Variants in SHROOM3 observed in about 807,000 individuals in gnomAD.
SHROOM3 encodes protein Shroom3.
A neutral mutation model predicts 138.6 loss-of-function variants in SHROOM3; 47 were observed. That is an observed-to-expected ratio of 0.34 (90% CI 0.27 to 0.43). The LOEUF (loss-of-function observed/expected upper bound fraction) is 0.43, where lower values mean the gene tolerates loss of function less well. Ranked by LOEUF, SHROOM3 falls within the 20% of genes least tolerant of loss-of-function variation. The probability of loss-of-function intolerance (pLI) is 1.00; values close to 1 mark genes in which losing one functional copy is unlikely to be tolerated. For missense variants in SHROOM3, 2,491 were observed against 2,596.5 expected (o/e 0.96, Z 0.88); for synonymous variants, 1,062 against 1,063.3 (o/e 1.00, Z 0.02).
At chr4:76,489,098 G>A (rs938230782) in intron 1 of SHROOM3, among the ~76,000 whole-genome samples, 1 of 152,206 alleles carries the variant, frequency 6.6e-6, no homozygotes, top group Non-Finnish European at 1.5e-5. Context: ...TTGCCAAAAT[G>A]AACTGGTGAA....
Position 76,739,702 on chromosome 4 carries a change from A to G in SHROOM3, c.1529A>G (p.Lys510Arg). 6.2e-7 allele frequency: 1 copy of G among 1,614,222 alleles called. No individual in the cohort carries two copies. Among genetic ancestry groups the G allele is most frequent in the South Asian group, 1.1e-5 (1 of 91,088 alleles). ...ATAGCCCCTCAGGGAGCATGCAACA[A>G]GATGGCTACCATTGATGAGAATGGG... ...GYIAPQGACN[K>R]MATIDENGNQ... The change falls in exon 5 of 11, where the codon AAG becomes AGG. Residue 510 changes from lysine (K) to arginine (R), a missense_variant. Physicochemically the swap from Lys to Arg is conservative, Grantham distance 26. Around this residue, in one of 4 missense-constraint regions of SHROOM3, gnomAD observed 1,733 missense variants for 1,661.6 expected, o/e 1.04. Coordinates refer to ENST00000296043, the MANE Select transcript of SHROOM3 (RefSeq NM_020859.4).
At chr4:76,545,404 C>T (rs1733193145) in intron 1 of SHROOM3, among the ~76,000 whole-genome samples, 1 of 152,184 alleles carries the variant, frequency 6.6e-6, no homozygotes, top group South Asian at 2.1e-4. Flanking sequence ...TCCGGTGCTG[C>T]AGCTCATTTG....
chr4:76,440,050 G>A (rs961487496), intron 1 of SHROOM3, among the ~76,000 whole-genome samples: 1 of 152,220 alleles, frequency 6.6e-6, no homozygotes, highest in Non-Finnish European at 1.5e-5. Flanking sequence ...ACTCTGTATT[G>A]TGGCTCAGAA....
At chr4:76,551,934 T>C (rs1330515698) in intron 1 of SHROOM3, among the ~76,000 whole-genome samples, 1 of 151,102 alleles carries the variant, frequency 6.6e-6, no homozygotes, top group Non-Finnish European at 1.5e-5. Flanking sequence ...CGATCTCGGC[T>C]CACTGCAAGC....
chr4:76,555,073 A>G (rs1733454698), intron 1 of SHROOM3, among the ~76,000 whole-genome samples: 1 of 151,742 alleles, frequency 6.6e-6, no homozygotes, highest in African/African-American at 2.4e-5. Flanking sequence ...CGCTGATTCT[A>G]TGTTATGCTG....
chr4:76,546,168 A>G (rs1339252794), intron 1 of SHROOM3, among the ~76,000 whole-genome samples: 1 of 152,200 alleles, frequency 6.6e-6, no homozygotes, highest in Non-Finnish European at 1.5e-5. Flanking sequence ...CATTATCTAT[A>G]TTTTATAGAT....
chr4:76,467,788 C>T (rs903237476), intron 1 of SHROOM3, among the ~76,000 whole-genome samples: 1 of 152,154 alleles, frequency 6.6e-6, no homozygotes, highest in African/African-American at 2.4e-5. Context: ...ATTTCTGTTG[C>T]CTTTGAGACA....
intron 10 of SHROOM3, among the ~76,000 whole-genome samples, chr4:76,773,170 T>A (rs1248382965): frequency 2.7e-5 from 4 of 150,224 alleles, no homozygotes; most frequent in East Asian, 3.9e-4. Context: ...AGGTCAGGAG[T>A]TCAAGACCAG....
rs553186440 is a variant in SHROOM3 at position 76,617,089 on chromosome 4, G to A, written c.323+61326G>A. ...TATTACCCGCACAGGCTAATGGTGC[G>A]GGTGAAGAGCCTGGTGAAGAGCACA... On this transcript the variant is annotated intron_variant, in intron 2 of 10. Coordinates refer to ENST00000296043, the MANE Select transcript of SHROOM3 (RefSeq NM_020859.4). 1.3e-4 allele frequency among the ~76,000 whole-genome samples: 20 copies of A among 152,338 alleles called. No individual in the cohort carries two copies. In the South Asian group the frequency reaches 2.9e-3, roughly 22 times the overall value.
intron 2 of SHROOM3, among the ~76,000 whole-genome samples, chr4:76,670,820 G>A (rs977724834): frequency 2.0e-5 from 3 of 152,062 alleles, no homozygotes; most frequent in African/African-American, 7.2e-5. Context: ...GGGCATGGTG[G>A]TGCATGCCTG....
At chr4:76,659,438 G>T (rs1368571752) in intron 2 of SHROOM3, among the ~76,000 whole-genome samples, 1 of 152,158 alleles carries the variant, frequency 6.6e-6, no homozygotes, top group Non-Finnish European at 1.5e-5. Flanking sequence ...TTTCATATTG[G>T]TCATTTGGGT....
intron 2 of SHROOM3, among the ~76,000 whole-genome samples, chr4:76,612,693 C>T (rs1290496007): frequency 6.6e-6 from 1 of 152,110 alleles, no homozygotes; most frequent in Non-Finnish European, 1.5e-5. Context: ...AATCCCAGCA[C>T]TTTGGAACAC....
chr4:76,679,541 G>A (rs933201657), intron 2 of SHROOM3, among the ~76,000 whole-genome samples: 3 of 151,404 alleles, frequency 2.0e-5, no homozygotes, highest in Non-Finnish European at 2.9e-5. Context: ...CATCTATGTC[G>A]TTAAAACATG....
intron 4 of SHROOM3, among the ~76,000 whole-genome samples, chr4:76,734,857 T>C (rs1475148539): frequency 6.6e-6 from 1 of 152,124 alleles, no homozygotes. Flanking sequence ...TAGTGGTAAG[T>C]GCTGTGAAGA....
chr4:76,749,558 C>G (rs114284500), intron 6 of SHROOM3, among the ~76,000 whole-genome samples: 1,632 of 152,296 alleles, frequency 0.011, 18 homozygotes, highest in Non-Finnish European at 0.017. Context: ...TCATCCAGCT[C>G]TGTGTGCAGA....
intron 1 of SHROOM3, among the ~76,000 whole-genome samples, chr4:76,449,179 G>T (rs958172864): frequency 1.3e-5 from 2 of 152,096 alleles, no homozygotes; most frequent in Non-Finnish European, 2.9e-5. Context: ...TGTTCTATAG[G>T]TTAAGGGTTA....
Position 76,480,450 on chromosome 4 carries a change from C to T in SHROOM3, c.168+44230C>T, listed in dbSNP as rs547780018. ...CAAGAAGAGCTAACTATCCTAAATACATATGCACCCAATACAGGAGCACCC... is the reference window on the plus strand; with the variant it reads ...CAAGAAGAGCTAACTATCCTAAATATATATGCACCCAATACAGGAGCACCC... On this transcript the variant is annotated intron_variant, in intron 1 of 10. Transcript: ENST00000296043. Among the ~76,000 whole-genome samples, 102 of 152,262 alleles carry T rather than the reference C, an allele frequency of 6.7e-4. No homozygotes were observed. In the Middle Eastern group the frequency reaches 0.01, roughly 15 times the overall value.
intron 1 of SHROOM3, among the ~76,000 whole-genome samples, chr4:76,528,544 C>CTTTTTTTTTTTTTT (rs146962643): frequency 8.7e-5 from 9 of 103,452 alleles, no homozygotes; most frequent in East Asian, 3.0e-4. Context: ...ATCTTTCTTT[C>CTTTTTTTTTTTTTT]TTTCTTTTTT....
intron 2 of SHROOM3, among the ~76,000 whole-genome samples, chr4:76,692,654 T>C (rs1483919550): frequency 1.3e-5 from 2 of 152,166 alleles, no homozygotes; most frequent in Admixed American, 1.3e-4. Context: ...CAGTGGCACA[T>C]CCATACAATG....
Sources: allele counts gnomAD v4.1 joint callset (sites outside exome capture counted in the v4.1 genomes callset), GRCh38; gene constraint gnomAD v4.1.1; regional missense constraint gnomAD v4.1.1; transcripts MANE v1.5; gene names NCBI Gene and HGNC (gene_info 2026-07-23, HGNC 2026-07-21).